NVL: variants seen among roughly 807,000 people sequenced by gnomAD.
NVL encodes nuclear VCP like, also known as nuclear valosin-containing protein-like.
A neutral mutation model predicts 110.2 loss-of-function variants in NVL; 84 were observed. That is an observed-to-expected ratio of 0.76 (90% CI 0.64 to 0.91). The LOEUF is 0.91. Among genes scored for constraint, NVL ranks in the 40% least tolerant of loss-of-function variants. The pLI is 0.00. For synonymous variants in NVL, 354 were observed against 361.1 expected (o/e 0.98, Z 0.22); for missense variants, 882 against 1,035.9 (o/e 0.85, Z 2.04).
At chr1:224,311,695 G>A (rs1572038608) in intron 5 of NVL, 105 bp downstream of exon 5, 1 of 846,036 alleles carries the variant, frequency 1.2e-6, no homozygotes, top group Non-Finnish European at 2.0e-6. Flanking sequence ...GTTGGGATTA[G>A]AGGTGTGAGT....
intron 16 of NVL, among the ~76,000 whole-genome samples, chr1:224,276,210 C>T (rs1665742534): frequency 6.6e-6 from 1 of 152,044 alleles, no homozygotes; most frequent in African/African-American, 2.4e-5. Context: ...AAGATGGAAT[C>T]CAAAAACATC....
At chr1:224,279,886 G>T (rs1044878585) in intron 16 of NVL, among the ~76,000 whole-genome samples, 1 of 152,008 alleles carries the variant, frequency 6.6e-6, no homozygotes, top group African/African-American at 2.4e-5. Context: ...ACAGGGTCTT[G>T]GTATGCTGGT....
chr1:224,292,108 C>T (rs1042949660), intron 12 of NVL, among the ~76,000 whole-genome samples: 19 of 152,264 alleles, frequency 1.2e-4, no homozygotes, highest in African/African-American at 1.4e-4. Context: ...ACAATTTATA[C>T]GGGTTTCCTT....
In NVL at chr1:224,300,728, A is replaced by C. The variant is rs1668314863; in HGVS notation, c.961-65T>G. ...TTAATTTCCCTACTTTTTCTTATCC[A>C]GTCCCCTCAAATTTTTTAAATAGCT... On this transcript the variant is annotated intron_variant, in intron 9 of 22. Coordinates refer to ENST00000281701, the MANE Select transcript of NVL (RefSeq NM_002533.4). 8.0e-6 allele frequency: 10 copies of C among 1,249,230 alleles called. No homozygotes were observed. The Admixed American group carries it at 1.3e-4, about 16-fold the overall frequency. The allele number at this position is 1,249,230 out of a possible 1,614,324, so 77.4% of individuals were successfully genotyped here.
chr1:224,229,197 G>A (rs1487758877), intron 22 of NVL, among the ~76,000 whole-genome samples: 1 of 151,794 alleles, frequency 6.6e-6, no homozygotes, highest in East Asian at 1.9e-4. Context: ...TCGGGAGGCT[G>A]AAGCAGGAGA....
chr1:224,288,593 A>G (rs1667087125), intron 13 of NVL, among the ~76,000 whole-genome samples: 2 of 152,212 alleles, frequency 1.3e-5, no homozygotes, highest in Non-Finnish European at 2.9e-5. Context: ...TATTTTTTAC[A>G]GAATTAATTG....
At chr1:224,235,296 T>C (rs1238955442) in intron 20 of NVL, among the ~76,000 whole-genome samples, 1 of 152,168 alleles carries the variant, frequency 6.6e-6, no homozygotes, top group Non-Finnish European at 1.5e-5. Flanking sequence ...GCCTCCCTAG[T>C]AGCTGCGATT....
chr1:224,310,664 A>G lies in NVL; in HGVS notation c.342+1136T>C, dbSNP rs760614428. On this transcript the variant is annotated intron_variant, in intron 5 of 22. Transcript: ENST00000281701. The stretch of plus-strand genomic sequence containing the variant: ...GAAGACTTCCGAAGTCTCTTATTCT[A>G]TTCCCTGTCCTTCCTTTCTCCCTCC... Among the ~76,000 whole-genome samples the G allele has an allele frequency of 1.3e-3, 194 of 152,018 alleles. 2 individuals carry two copies. Among genetic ancestry groups the G allele is most frequent in the Non-Finnish European group, 5.4e-4 (37 of 67,976 alleles).
chr1:224,296,863 T>G (rs1007931998), intron 10 of NVL, among the ~76,000 whole-genome samples: 2 of 152,196 alleles, frequency 1.3e-5, no homozygotes, highest in African/African-American at 4.8e-5. Context: ...TCTTCATCAA[T>G]GCATGTTTTG....
rs766551134 is a variant in NVL, at chr1:224,250,334, G to GA, written c.2183-17dup. The GA allele has an allele frequency of 1.3e-6, 2 of 1,525,548 alleles. No individual in the cohort carries two copies. Among genetic ancestry groups the GA allele is most frequent in the African/African-American group, 1.4e-5 (1 of 69,846 alleles). The allele number at this position is 1,525,548 out of a possible 1,614,324, so 94.5% of individuals were successfully genotyped here. ...TCAATTATATCTAGAGAAGAAGGGA[G>GA]AAAAAAAGTCTTAAATAAAACCTTT... is the stretch of plus-strand genomic sequence containing the variant. On this transcript the variant is annotated splice_polypyrimidine_tract_variant and intron_variant, in intron 18 of 22. Transcript: ENST00000281701.
At position 224,233,268 on chromosome 1, in the gene NVL, C is replaced by A; in HGVS notation, c.2388G>T (p.Leu796Phe). 6.2e-7 allele frequency: 1 copy of A among 1,611,700 alleles called. No homozygotes were observed. Among genetic ancestry groups the A allele is most frequent in the South Asian group, 1.1e-5 (1 of 90,678 alleles). Residue 796 changes from leucine to phenylalanine, a missense_variant, in exon 21 of 23, where the codon TTG becomes TTT. Physicochemically the swap from Leu to Phe is conservative, Grantham distance 22. Coordinates refer to ENST00000281701, the MANE Select transcript of NVL (RefSeq NM_002533.4). ...GGGCACAGATAGAAGCTTCTCGTAC[C>A]AAAGCAGAGAGATCTGCGCCCCTAC... Reference protein sequence around the residue: ...DCYTGADLSALVREASICALR... With the variant: ...DCYTGADLSAFVREASICALR...
intron 4 of NVL, among the ~76,000 whole-genome samples, chr1:224,313,448 T>C (rs534373389): frequency 3.3e-5 from 5 of 152,190 alleles, no homozygotes; most frequent in African/African-American, 1.2e-4. Context: ...AAAAGACTGA[T>C]AGATTTGACT....
chr1:224,230,493 A>G (rs865849075), intron 22 of NVL, among the ~76,000 whole-genome samples: 7 of 152,050 alleles, frequency 4.6e-5, no homozygotes, highest in South Asian at 2.1e-4. Flanking sequence ...AGTCCCAGCT[A>G]CTCAGGAGGC....
intron 16 of NVL, among the ~76,000 whole-genome samples, chr1:224,278,012 T>C (rs184374611): frequency 6.6e-6 from 1 of 152,258 alleles, no homozygotes; most frequent in East Asian, 1.9e-4. Context: ...TAACTGTTCT[T>C]TTACTTAACA....
chr1:224,260,090 G>T (rs187291776), intron 18 of NVL, among the ~76,000 whole-genome samples: 23 of 152,178 alleles, frequency 1.5e-4, no homozygotes, highest in Non-Finnish European at 2.5e-4. Flanking sequence ...AAACATACAG[G>T]GTTGACCATG....
intron 17 of NVL, among the ~76,000 whole-genome samples, chr1:224,274,018 A>G (rs1665469842): frequency 8.3e-6 from 1 of 120,648 alleles, no homozygotes; most frequent in Non-Finnish European, 1.8e-5. Flanking sequence ...GCATGTAATA[A>G]TGTTTTATGA....
intron 18 of NVL, among the ~76,000 whole-genome samples, chr1:224,255,722 T>C (rs7518299): frequency 1 from 152,061 of 152,338 alleles, 75,893 homozygotes; most frequent in Middle Eastern, 1. Context: ...TTGGCACTTT[T>C]GAAGAGCAGT....
Position 224,296,578 on chromosome 1 carries a change from G to C in NVL, c.1103C>G (p.Ala368Gly). Residue 368 changes from alanine (A) to glycine (G), a missense_variant, in exon 11 of 23, where the codon GCT becomes GGT. Transcript: ENST00000281701. ...PCIIFIDEID[A>G]ITPKREVASK... ...AGCCACTTCTCTTTTGGGGGTAATA[G>C]CATCAATTTCATCAATGAAAATGAT... 6.2e-7 allele frequency: 1 copy of C among 1,601,100 alleles called. No homozygotes were observed. Among genetic ancestry groups the C allele is most frequent in the Non-Finnish European group, 8.5e-7 (1 of 1,175,680 alleles).
intron 19 of NVL, among the ~76,000 whole-genome samples, chr1:224,248,711 T>C (rs1252796399): frequency 1.3e-5 from 2 of 152,232 alleles, no homozygotes; most frequent in Admixed American, 1.3e-4. Context: ...CGTCCATTCC[T>C]GGGAAGGAGT....
Sources: allele counts gnomAD v4.1 joint callset (sites outside exome capture counted in the v4.1 genomes callset), GRCh38; gene constraint gnomAD v4.1.1; transcripts MANE v1.5; gene names NCBI Gene and HGNC (gene_info 2026-07-23, HGNC 2026-07-21).